Variants in ENTREP2 observed in about 807,000 individuals in gnomAD.
ENTREP2 encodes protein ENTREP2.
At chr15:29,478,995 C>T in the ENTREP2 span, among the ~76,000 whole-genome samples, 1 of 144,160 alleles carries the variant, frequency 6.9e-6, no homozygotes, top group African/African-American at 2.6e-5. Flanking sequence ...GAGATCGAGA[C>T]CATCCTGGCT....
chr15:29,264,193 G>C, the ENTREP2 span, among the ~76,000 whole-genome samples: 1 of 113,912 alleles, frequency 8.8e-6, no homozygotes, highest in African/African-American at 3.2e-5. Context: ...GTGCCAACAA[G>C]CAAGGAAATG....
At chr15:29,117,922 A>G in the ENTREP2 span, 2 of 128,992 alleles carry the variant, frequency 1.6e-5, no homozygotes, top group African/African-American at 2.9e-5. Flanking sequence ...CCTCTTTAAA[A>G]TCGATCTACA....
the ENTREP2 span, among the ~76,000 whole-genome samples, chr15:29,335,957 C>T: frequency 6.6e-5 from 10 of 151,824 alleles, no homozygotes; most frequent in Non-Finnish European, 1.5e-4. Flanking sequence ...CTGGCTAACA[C>T]GGTGAAACCC....
the ENTREP2 span, among the ~76,000 whole-genome samples, chr15:29,639,821 T>C: frequency 8.8e-5 from 13 of 146,964 alleles, no homozygotes; most frequent in African/African-American, 3.4e-4. Context: ...CAGGCTGGAG[T>C]GCAATGGCAT....
At chr15:29,500,116 G>T in the ENTREP2 span, among the ~76,000 whole-genome samples, 647 of 152,184 alleles carry the variant, frequency 4.3e-3, 8 homozygotes, top group African/African-American at 0.015. Flanking sequence ...AAAATTGACA[G>T]AATTGAAATA....
chr15:29,163,800 CAAGA>C, the ENTREP2 span, among the ~76,000 whole-genome samples: 5 of 152,110 alleles, frequency 3.3e-5, no homozygotes, highest in Non-Finnish European at 1.5e-5. Context: ...TATCCAAGTG[CAAGA>C]AGAACAAAGA....
chr15:29,448,444 A>G, the ENTREP2 span, among the ~76,000 whole-genome samples: 4 of 152,222 alleles, frequency 2.6e-5, no homozygotes, highest in East Asian at 3.8e-4. Flanking sequence ...GACAGCTCTG[A>G]CTGCCTGTTG....
the ENTREP2 span, among the ~76,000 whole-genome samples, chr15:29,241,260 G>A: frequency 6.6e-6 from 1 of 152,198 alleles, no homozygotes; most frequent in Non-Finnish European, 1.5e-5. Context: ...ACTCTCTGCT[G>A]CCTTTCAAAG....
At chr15:29,517,152 G>C in the ENTREP2 span, among the ~76,000 whole-genome samples, 1 of 152,044 alleles carries the variant, frequency 6.6e-6, no homozygotes, top group African/African-American at 2.4e-5. Flanking sequence ...CACAGGAAGC[G>C]GGGGAGCAGC....
At chr15:29,349,183 T>C in the ENTREP2 span, among the ~76,000 whole-genome samples, 4 of 152,032 alleles carry the variant, frequency 2.6e-5, no homozygotes, top group Non-Finnish European at 5.9e-5. Flanking sequence ...TCAGGAAACA[T>C]GTGGGCTCCT....
chr15:29,562,350 G>A, the ENTREP2 span, among the ~76,000 whole-genome samples: 1 of 152,202 alleles, frequency 6.6e-6, no homozygotes, highest in East Asian at 1.9e-4. Context: ...AGTACATAAA[G>A]AGCATCCATG....
At chr15:29,499,798 G>A in the ENTREP2 span, among the ~76,000 whole-genome samples, 107 of 152,188 alleles carry the variant, frequency 7.0e-4, no homozygotes, top group East Asian at 0.016. Context: ...TAAGAGAAAG[G>A]CAGAGATTGG....
the ENTREP2 span, among the ~76,000 whole-genome samples, chr15:29,366,407 AT>A: frequency 7.2e-5 from 11 of 152,228 alleles, no homozygotes; most frequent in African/African-American, 1.9e-4. Flanking sequence ...TTAAACTAGG[AT>A]TTTTTTATCA....
the ENTREP2 span, among the ~76,000 whole-genome samples, chr15:29,607,715 C>T: frequency 6.6e-5 from 10 of 151,866 alleles, no homozygotes; most frequent in Admixed American, 1.3e-4. Flanking sequence ...TTCTAGTGCT[C>T]GTTTTTTCAT....
At chr15:29,604,966 A>G in the ENTREP2 span, among the ~76,000 whole-genome samples, 4 of 152,218 alleles carry the variant, frequency 2.6e-5, no homozygotes, top group African/African-American at 9.7e-5. Context: ...AGGTGACACA[A>G]ACCGTGGTAT....
chr15:29,538,506 T>G, the ENTREP2 span, among the ~76,000 whole-genome samples: 8 of 151,722 alleles, frequency 5.3e-5, no homozygotes, highest in Admixed American at 5.3e-4. Context: ...GGGTTTAAGA[T>G]CTTTTGGGCC....
chr15:29,248,723 C>T, the ENTREP2 span, among the ~76,000 whole-genome samples: 1 of 151,978 alleles, frequency 6.6e-6, no homozygotes, highest in Non-Finnish European at 1.5e-5. Context: ...TTCAAATTAG[C>T]ATGGATTAAA....
At chr15:29,531,965 T>C in the ENTREP2 span, among the ~76,000 whole-genome samples, 3 of 152,336 alleles carry the variant, frequency 2.0e-5, no homozygotes, top group East Asian at 3.9e-4. Context: ...CGCACCCAGC[T>C]TGAAAGGCTA....
At chr15:29,265,997 G>GT in the ENTREP2 span, 1 of 152,152 alleles carries the variant, frequency 6.6e-6, no homozygotes, top group Non-Finnish European at 1.5e-5. Context: ...ACTAATGATC[G>GT]TAACACATTT....
Sources: allele counts gnomAD v4.1 joint callset (sites outside exome capture counted in the v4.1 genomes callset), GRCh38; gene constraint gnomAD v4.1.1; transcripts MANE v1.5; gene names NCBI Gene and HGNC (gene_info 2026-07-23, HGNC 2026-07-21).